Variants in RELL1 observed in about 807,000 individuals in gnomAD.
RELL1 encodes the protein RELT-like protein 1.
RELL1 carries 10 observed loss-of-function variants against 23.0 expected under a neutral mutation model. That is an observed-to-expected ratio of 0.43 (90% CI 0.27 to 0.74). The LOEUF (loss-of-function observed/expected upper bound fraction) is 0.74, where lower values mean the gene tolerates loss of function less well. Ranked by LOEUF, RELL1 falls within the 30% of genes least tolerant of loss-of-function variation. RELL1 has a pLI of 0.19. For synonymous variants in RELL1, 146 were observed against 146.8 expected (o/e 0.99, Z 0.04); for missense variants, 315 against 364.4 (o/e 0.86, Z 1.10).
chr4:37,670,210 G>GTT (rs11379218), intron 1 of RELL1, among the ~76,000 whole-genome samples: 43 of 147,624 alleles, frequency 2.9e-4, no homozygotes, highest in African/African-American at 3.9e-4. Flanking sequence ...ATAATCGATA[G>GTT]TTTTTTTTTT....
intron 6 of RELL1, among the ~76,000 whole-genome samples, chr4:37,630,834 C>T (rs1223011774): frequency 6.6e-6 from 1 of 151,682 alleles, no homozygotes; most frequent in Non-Finnish European, 1.5e-5. Flanking sequence ...TGGTTTCCAA[C>T]AGAATAAAAG....
chr4:37,660,912 T>G (rs1721325816), intron 1 of RELL1, among the ~76,000 whole-genome samples: 1 of 151,732 alleles, frequency 6.6e-6, no homozygotes, highest in African/African-American at 2.4e-5. Context: ...GCGCCTGTTG[T>G]CCCAGCTACT....
intron 1 of RELL1, among the ~76,000 whole-genome samples, chr4:37,676,443 G>C (rs1722026624): frequency 6.6e-6 from 1 of 152,202 alleles, no homozygotes. Flanking sequence ...TGAAGTACCG[G>C]TTGTAGAAAC....
chr4:37,602,635 G>A (rs1263947635), intron 6 of RELL1, among the ~76,000 whole-genome samples: 1 of 152,124 alleles, frequency 6.6e-6, no homozygotes, highest in Non-Finnish European at 1.5e-5. Flanking sequence ...TACAGCAGTC[G>A]CGCCCTCGGT....
intron 6 of RELL1, among the ~76,000 whole-genome samples, chr4:37,619,307 C>T (rs1233538324): frequency 6.6e-6 from 1 of 152,072 alleles, no homozygotes; most frequent in Non-Finnish European, 1.5e-5. Context: ...CTTAGCCTCC[C>T]GAGTAGCTGG....
At position 37,680,931 on chromosome 4, in the gene RELL1, C is replaced by CAA. The variant is rs397992973; in HGVS notation, c.88+5267_88+5268dup. On this transcript the variant is annotated intron_variant, in intron 1 of 6. Coordinates refer to ENST00000454158, the MANE Select transcript of RELL1 (RefSeq NM_001085400.2). ...TGGGTGACAGAGCAACACTCCATCTCAAAAAAAAAAAAAAAAAAAAAATGC... is the reference window on the plus strand; with the variant it reads ...TGGGTGACAGAGCAACACTCCATCTCAAAAAAAAAAAAAAAAAAAAAAAATGC... Among the ~76,000 whole-genome samples, 917 of 73,344 alleles carry CAA rather than the reference C, an allele frequency of 0.013. 28 individuals carry two copies. The East Asian group carries it at 0.13, about 10-fold the overall frequency. The allele number at this position is 73,344 out of a possible 152,430, so 48.1% of individuals were successfully genotyped here. A position where few individuals can be genotyped will look rare whatever the true frequency, so the allele number is the denominator to read the frequency against.
chr4:37,621,223 G>A (rs1432742434), intron 6 of RELL1, among the ~76,000 whole-genome samples: 2 of 152,182 alleles, frequency 1.3e-5, no homozygotes, highest in African/African-American at 2.4e-5. Context: ...TTCGGAGGCC[G>A]AGGCAGGCAG....
downstream of RELL1, among the ~76,000 whole-genome samples, chr4:37,608,113 A>G (rs981331987): frequency 9.9e-5 from 15 of 152,140 alleles, no homozygotes; most frequent in African/African-American, 3.6e-4. Flanking sequence ...GTGTGTTCCA[A>G]CTGCCCGACC....
chr4:37,597,183 C>G (rs1306384342), intron 6 of RELL1, among the ~76,000 whole-genome samples: 1 of 152,132 alleles, frequency 6.6e-6, no homozygotes, highest in Non-Finnish European at 1.5e-5. Flanking sequence ...GCCCTCTGAG[C>G]CTTGTTCCTA....
At chr4:37,645,521 T>C (rs1274063068) in intron 3 of RELL1, among the ~76,000 whole-genome samples, 1 of 152,242 alleles carries the variant, frequency 6.6e-6, no homozygotes, top group African/African-American at 2.4e-5. Flanking sequence ...TTTTTTGTTA[T>C]TTTAAACATC....
chr4:37,612,242 A>C lies in RELL1; in HGVS notation c.*1104T>G, dbSNP rs540937334. ...CTTTTGTTTTGGCCTTGGGTTGTCC[A>C]AACAAATTTGTGTGTGTGTGACTTT... On this transcript the variant is annotated 3_prime_UTR_variant, in exon 7 of 7. Coordinates refer to ENST00000454158, the MANE Select transcript of RELL1 (RefSeq NM_001085400.2). Among the ~76,000 whole-genome samples, 8 of 150,882 alleles carry C rather than the reference A, an allele frequency of 5.3e-5. 1 individual carries two copies. The South Asian group carries it at 1.7e-3, about 32-fold the overall frequency.
intron 1 of RELL1, among the ~76,000 whole-genome samples, chr4:37,682,593 T>A (rs1463069908): frequency 6.6e-6 from 1 of 152,050 alleles, no homozygotes; most frequent in Admixed American, 6.6e-5. Flanking sequence ...TTAGAGGGGG[T>A]AGGGGCAGGG....
chr4:37,595,327 C>T (rs545111251), intron 6 of RELL1, among the ~76,000 whole-genome samples: 1 of 152,294 alleles, frequency 6.6e-6, no homozygotes, highest in East Asian at 1.9e-4. Flanking sequence ...ATGTGTTGAT[C>T]GTAGATGATG....
At chr4:37,659,244 C>T (rs1003880586) in intron 1 of RELL1, among the ~76,000 whole-genome samples, 6 of 152,174 alleles carry the variant, frequency 3.9e-5, no homozygotes, top group African/African-American at 1.4e-4. Context: ...TTGCTGTATT[C>T]TGAGGACCCA....
At chr4:37,635,911 T>C (rs765909214) in intron 4 of RELL1, among the ~76,000 whole-genome samples, 5 of 152,234 alleles carry the variant, frequency 3.3e-5, no homozygotes, top group Admixed American at 6.5e-5. Context: ...ATCTCCATTA[T>C]ATCAAAGGAG....
At chr4:37,666,835 CAA>C (rs1361691319) in intron 1 of RELL1, among the ~76,000 whole-genome samples, 1 of 152,128 alleles carries the variant, frequency 6.6e-6, no homozygotes, top group Non-Finnish European at 1.5e-5. Flanking sequence ...CAGAGAACTA[CAA>C]AAGTCCTAAA....
At chr4:37,594,984 A>T (rs957503182) in intron 6 of RELL1, among the ~76,000 whole-genome samples, 12 of 152,240 alleles carry the variant, frequency 7.9e-5, no homozygotes, top group African/African-American at 2.9e-4. Context: ...TTAACTCTTC[A>T]TCAAGGGCAC....
chr4:37,588,739 TGA>T (rs1005577190), downstream of RELL1: 5 of 772,714 alleles, frequency 6.5e-6, no homozygotes, highest in Admixed American at 2.2e-5. Flanking sequence ...CCAAAATGTG[TGA>T]CTCTCTTAAT....
At chr4:37,682,391 T>C (rs1722255677) in intron 1 of RELL1, among the ~76,000 whole-genome samples, 1 of 152,230 alleles carries the variant, frequency 6.6e-6, no homozygotes, top group Non-Finnish European at 1.5e-5. Flanking sequence ...CAATGACAAT[T>C]TAATTTATTC....
Sources: gnomAD v4.1 joint callset for allele counts (sites outside exome capture counted in the v4.1 genomes callset) on GRCh38, gnomAD v4.1.1 for gene constraint, MANE v1.5 for transcripts, NCBI Gene and HGNC (gene_info 2026-07-23, HGNC 2026-07-21) for gene names.